UBR4: variants seen among roughly 807,000 people sequenced by gnomAD.
UBR4 encodes the protein ubiquitin protein ligase E3 component n-recognin 4.
A neutral mutation model predicts 575.6 loss-of-function variants in UBR4; 124 were observed. The ratio of observed to expected loss-of-function variants is 0.22; its 90% CI spans 0.19 to 0.25. The LOEUF is 0.25. Among genes scored for constraint, UBR4 ranks in the 10% least tolerant of loss-of-function variants. The probability of loss-of-function intolerance (pLI) is 1.00; values close to 1 mark genes in which losing one functional copy is unlikely to be tolerated. For missense variants in UBR4, 4,818 were observed against 6,478.8 expected, an observed-to-expected ratio of 0.74 and a Z score of 8.80; for synonymous variants, 2,455 against 2,473.7, an observed-to-expected ratio of 0.99 and a Z score of 0.22.
intron 18 of UBR4, 78 bp downstream of exon 18, chr1:19,178,973 C>T: frequency 1.3e-6 from 2 of 1,543,632 alleles, no homozygotes; most frequent in Non-Finnish European, 1.8e-6. Context: ...CTCAAAGCCA[C>T]AGATTAACTA....
At chr1:19,165,818 T>G (rs929765535) in intron 29 of UBR4, 61 bp from the exon 30 acceptor site, 1 of 1,393,330 alleles carries the variant, frequency 7.2e-7, no homozygotes, top group African/African-American at 1.5e-5. Context: ...GTCCTCCTTA[T>G]GGTGATTTAT....
intron 15 of UBR4, 55 bp downstream of exon 15, chr1:19,185,044 C>T: frequency 3.1e-6 from 5 of 1,602,372 alleles, no homozygotes; most frequent in Non-Finnish European, 4.3e-6. Context: ...ATCTGCTTCT[C>T]ATACCCCTAG....
chr1:19,093,409 T>C lies in UBR4; in HGVS notation c.14015A>G (p.Asn4672Ser), dbSNP rs752756111. 4.3e-6 allele frequency: 7 copies of C among 1,614,216 alleles called. No homozygotes were observed. In the South Asian group the frequency reaches 7.7e-5, roughly 18 times the overall value. The change falls in exon 96 of 106, where the codon AAC becomes AGC. Residue 4672 changes from asparagine (N) to serine (S), a missense_variant. By Grantham distance (46) the Asn-to-Ser change is conservative. Coordinates refer to ENST00000375254, the MANE Select transcript of UBR4 (RefSeq NM_020765.3). This position sits in a 1 kb window ranked among gnomAD's most constrained non-coding sequence, Gnocchi z 4.8. ...FCKIAAGIKN[N>S]SNGHQLKDLI... ...ATCCTTCAGCTGGTGCCCATTGCTGTTGTTCTTGATGCCAGCAGCTATTTT... is the reference window on the plus strand; with the variant it reads ...ATCCTTCAGCTGGTGCCCATTGCTGCTGTTCTTGATGCCAGCAGCTATTTT...
In UBR4 at chr1:19,121,234, A is replaced by G; in HGVS notation, c.10096T>C (p.Ser3366Pro). 1 of 1,614,108 alleles carries G rather than the reference A, an allele frequency of 6.2e-7. No individual in the cohort carries two copies. The highest frequency in any genetic ancestry group is 8.5e-7 in the Non-Finnish European group (1 of 1,180,004). ...SGQATTQSKS[S>P]TKKSKKEEKE... The stretch of plus-strand genomic sequence containing the variant: ...TCTTCTTTCTTGCTCTTTTTAGTGG[A>G]AGACTTGGACTGTGTTGTGGCTTGT... The change falls in exon 68 of 106, where the codon TCC (serine) becomes CCC (proline). Residue 3366 changes from serine (S) to proline (P), a missense_variant. Ser to Pro is a moderately conservative substitution (Grantham distance 74). This residue lies in a region of UBR4 where 550 missense variants were observed against 791.5 expected (regional missense o/e 0.69). Coordinates refer to ENST00000375254, the MANE Select transcript of UBR4 (RefSeq NM_020765.3).
intron 50 of UBR4, 133 bp from the exon 51 acceptor site, chr1:19,148,260 A>G: frequency 8.3e-7 from 1 of 1,209,898 alleles, no homozygotes. Flanking sequence ...GCAAAGAGAA[A>G]AAAAAAAAAG....
chr1:19,144,368 G>T (rs1235957812), intron 54 of UBR4, among the ~76,000 whole-genome samples: 2 of 152,190 alleles, frequency 1.3e-5, no homozygotes, highest in South Asian at 2.1e-4. Context: ...CTTACAAATG[G>T]TTCTGGCTTT....
intron 44 of UBR4, among the ~76,000 whole-genome samples, chr1:19,154,645 T>C (rs1413060427): frequency 6.6e-6 from 1 of 152,224 alleles, no homozygotes; most frequent in African/African-American, 2.4e-5. Context: ...ATTTATAACA[T>C]TAACTATAGG....
intron 19 of UBR4, 87 bp downstream of exon 19, chr1:19,177,374 G>A: frequency 1.3e-6 from 2 of 1,530,068 alleles, no homozygotes; most frequent in Non-Finnish European, 1.8e-6. Context: ...AAGTGGGTAG[G>A]TCATTTGGGC....
In UBR4 at chr1:19,169,543, C is replaced by G; in HGVS notation, c.3644-11G>C. 1 of 1,609,782 alleles carries G rather than the reference C, an allele frequency of 6.2e-7. No homozygotes were observed. The highest frequency in any genetic ancestry group is 8.5e-7 in the Non-Finnish European group (1 of 1,177,998). ...GAACCAGTGTCGGACCTGGAGGCGA[C>G]AGAAAGGACAAGGAATCATCACAAG... On this transcript the variant is annotated splice_polypyrimidine_tract_variant and intron_variant, in intron 26 of 105. Transcript: ENST00000375254.
intron 92 of UBR4, 48 bp from the exon 93 acceptor site, chr1:19,095,700 G>A: frequency 4.5e-6 from 7 of 1,560,172 alleles, no homozygotes; most frequent in Non-Finnish European, 6.2e-6. Context: ...TGAGAGTGTA[G>A]GACATGGGGG....
At chr1:19,109,308 T>C (rs560890554) in intron 81 of UBR4, among the ~76,000 whole-genome samples, 8 of 152,236 alleles carry the variant, frequency 5.3e-5, no homozygotes, top group Non-Finnish European at 1.0e-4. Flanking sequence ...GTGGCTCAGC[T>C]ACAGTTATTT....
Position 19,210,234 on chromosome 1 carries a change from G to T in UBR4, c.15C>A (p.Gly5=). ...GAGCCGCTGCCGCCGCCTCTTCGCCGCCGCTCGTCGCCATCTTCCGTCGTA... is the reference window on the plus strand; with the variant it reads ...GAGCCGCTGCCGCCGCCTCTTCGCCTCCGCTCGTCGCCATCTTCCGTCGTA... MATS[G]GEEAAAAAPA... Residue 5 remains glycine (G), a synonymous_variant, in exon 1 of 106, where the codon GGC becomes GGA. Coordinates refer to ENST00000375254, the MANE Select transcript of UBR4 (RefSeq NM_020765.3). The T allele has an allele frequency of 7.0e-7, 1 of 1,427,596 alleles. No individual in the cohort carries two copies. The highest frequency in any genetic ancestry group is 9.1e-7 in the Non-Finnish European group (1 of 1,093,524). 88.4% of individuals were successfully genotyped at this position (1,427,596 alleles called of 1,614,324 possible). A position where few individuals can be genotyped will look rare whatever the true frequency, so the allele number is the denominator to read the frequency against.
At chr1:19,101,325 T>C (rs1210798236) in intron 88 of UBR4, among the ~76,000 whole-genome samples, 195 bp downstream of exon 88, 1 of 152,222 alleles carries the variant, frequency 6.6e-6, no homozygotes, top group Non-Finnish European at 1.5e-5. Flanking sequence ...AGGAAGGTCA[T>C]TAAATGTCCC....
chr1:19,126,855 G>A (rs1044352125), intron 63 of UBR4, among the ~76,000 whole-genome samples, 200 bp from the exon 64 acceptor site: 1 of 152,176 alleles, frequency 6.6e-6, no homozygotes, highest in Non-Finnish European at 1.5e-5. Context: ...CACATGGTAA[G>A]ACAAACAAAG....
At position 19,097,188 on chromosome 1, in the gene UBR4, T is replaced by C; in HGVS notation, c.13390+5A>G. The C allele has an allele frequency of 6.2e-7, 1 of 1,610,202 alleles. No homozygotes were observed. ...TCAGATCCAATGTGCAGTGCCATGA[T>C]CTACCTGTAGTAGAGTCCAGGGACT... On this transcript the variant is annotated splice_donor_5th_base_variant and intron_variant, in intron 91 of 105. Transcript: ENST00000375254.
At chr1:19,192,779 T>A (rs1009982377) in intron 9 of UBR4, among the ~76,000 whole-genome samples, 37 of 151,986 alleles carry the variant, frequency 2.4e-4, no homozygotes, top group Admixed American at 1.2e-3. Flanking sequence ...CAGCTCCACA[T>A]CAGATCACTT....
intron 103 of UBR4, chr1:19,078,332 C>G (rs1212329315): frequency 2.7e-6 from 1 of 369,270 alleles, no homozygotes; most frequent in Admixed American, 4.3e-5. Context: ...TAAAATGGAA[C>G]CGGGGGAGAC....
At position 19,099,251 on chromosome 1, in the gene UBR4, A is replaced by G. The variant is rs956559630; in HGVS notation, c.13302+346T>C. 1.5e-4 allele frequency among the ~76,000 whole-genome samples: 23 copies of G among 152,208 alleles called. 1 individual carries two copies. Among genetic ancestry groups the G allele is most frequent in the African/African-American group, 5.3e-4 (22 of 41,460 alleles). The stretch of plus-strand genomic sequence containing the variant: ...AAGCTGAGAACTAATCTCAGCTGAG[A>G]GGTGTCCATACTGAAGGGAACAAGA... On this transcript the variant is annotated intron_variant, in intron 90 of 105. Transcript: ENST00000375254.
intron 84 of UBR4, among the ~76,000 whole-genome samples, 172 bp downstream of exon 84, chr1:19,105,561 C>T (rs533284006): frequency 7.2e-5 from 11 of 152,338 alleles, no homozygotes; most frequent in South Asian, 6.2e-4. Flanking sequence ...CTCACCACAA[C>T]GACCACCACC....
Sources: gnomAD v4.1 joint callset for allele counts (sites outside exome capture counted in the v4.1 genomes callset) on GRCh38, gnomAD v4.1.1 for gene constraint, gnomAD v4.1.1 regional missense constraint, Gnocchi (gnomAD v3.1) non-coding constraint, MANE v1.5 for transcripts, NCBI Gene and HGNC (gene_info 2026-07-23, HGNC 2026-07-21) for gene names.